Variants in BPNT1 observed in about 807,000 individuals in gnomAD.
The protein encoded by BPNT1 is 3'(2'), 5'-bisphosphate nucleotidase 1.
BPNT1 carries 28 observed loss-of-function variants against 36.9 expected under a neutral mutation model. That is an observed-to-expected ratio of 0.76 (90% CI 0.56 to 1.04). BPNT1 has a LOEUF of 1.04. BPNT1 is among the 50% of genes least tolerant of loss of function. The probability of loss-of-function intolerance (pLI) is 0.00; values close to 1 mark genes in which losing one functional copy is unlikely to be tolerated. For missense variants in BPNT1, 313 were observed against 372.9 expected, an observed-to-expected ratio of 0.84 and a Z score of 1.32; for synonymous variants, 119 against 130.9, an observed-to-expected ratio of 0.91 and a Z score of 0.62.
At chr1:220,078,187 TAA>T (rs756467379) in intron 2 of BPNT1, among the ~76,000 whole-genome samples, 20 of 116,784 alleles carry the variant, frequency 1.7e-4, no homozygotes, top group Non-Finnish European at 2.0e-4. Context: ...CTTGTCTCTT[TAA>T]AAAAAAAAAA....
At chr1:220,080,685 G>A (rs1479404033) in intron 1 of BPNT1, among the ~76,000 whole-genome samples, 2 of 152,188 alleles carry the variant, frequency 1.3e-5, no homozygotes, top group Non-Finnish European at 2.9e-5. Flanking sequence ...TCTCTCCCTT[G>A]ACACATGGGG....
At chr1:220,070,109 T>G (rs927833796) in intron 4 of BPNT1, among the ~76,000 whole-genome samples, 1 of 152,200 alleles carries the variant, frequency 6.6e-6, no homozygotes, top group African/African-American at 2.4e-5. Flanking sequence ...CTACTCATTT[T>G]TATATATAAG....
intron 3 of BPNT1, among the ~76,000 whole-genome samples, chr1:220,073,751 T>C (rs1279089074): frequency 6.6e-6 from 1 of 152,214 alleles, no homozygotes; most frequent in Non-Finnish European, 1.5e-5. Flanking sequence ...ATATCTTCTA[T>C]GGTCAATAAT....
Position 220,069,424 on chromosome 1 carries a change from G to A in BPNT1, c.342C>T (p.Val114=). ...TGGTTCCATCCAGAGGATCAACCCA[G>A]ACCACGAGCTAAAATTAAAAAGAGA... ...YSAIKEEDLV[V]WVDPLDGTKE... is the part of the protein sequence containing the mutation. The change falls in exon 5 of 9, where the codon GTC becomes GTT. Residue 114 remains valine (V), a synonymous_variant. Transcript: ENST00000322067. The A allele has an allele frequency of 6.2e-7, 1 of 1,601,514 alleles. No homozygotes were observed. The highest frequency in any genetic ancestry group is 8.5e-7 in the Non-Finnish European group (1 of 1,175,172).
intron 7 of BPNT1, among the ~76,000 whole-genome samples, chr1:220,060,997 G>A (rs551163622): frequency 6.6e-6 from 1 of 152,192 alleles, no homozygotes; most frequent in Non-Finnish European, 1.5e-5. Context: ...TTAAGATAAA[G>A]ATTGTTGAGA....
chr1:220,059,343 G>C (rs1662807661), intron 8 of BPNT1, among the ~76,000 whole-genome samples: 1 of 141,544 alleles, frequency 7.1e-6, no homozygotes, highest in Non-Finnish European at 1.5e-5. Context: ...TACAAGCCCA[G>C]GAGTTCAAGG....
In BPNT1 at chr1:220,058,534, G is replaced by GC; in HGVS notation, c.*309_*310insG. ...AACTTTAAGTACTTTTTGGGTTTTT[G>GC]TTTTTTTTTTTTCTGAGACAGGGCT... On this transcript the variant is annotated 3_prime_UTR_variant, in exon 9 of 9. Coordinates refer to ENST00000322067, the MANE Select transcript of BPNT1 (RefSeq NM_006085.6). The GC allele has an allele frequency of 1.2e-6, 1 of 851,264 alleles. No homozygotes were observed. The highest frequency in any genetic ancestry group is 1.4e-6 in the Non-Finnish European group (1 of 705,516). The allele number at this position is 851,264 out of a possible 1,614,324, so 52.7% of individuals were successfully genotyped here. A position where few individuals can be genotyped will look rare whatever the true frequency, so the allele number is the denominator to read the frequency against.
intron 6 of BPNT1, among the ~76,000 whole-genome samples, chr1:220,065,676 G>A (rs559086205): frequency 1.3e-5 from 2 of 152,268 alleles, no homozygotes; most frequent in African/African-American, 4.8e-5. Context: ...GGGGATAATA[G>A]TTTATTTAAA....
chr1:220,068,265 C>T (rs1663723430), intron 5 of BPNT1, among the ~76,000 whole-genome samples: 1 of 151,922 alleles, frequency 6.6e-6, no homozygotes, highest in Admixed American at 6.6e-5. Context: ...CTCACTGCAA[C>T]CTCTGTCTTC....
chr1:220,068,742 A>T (rs1375335827), intron 5 of BPNT1, among the ~76,000 whole-genome samples: 1 of 152,084 alleles, frequency 6.6e-6, no homozygotes, highest in Non-Finnish European at 1.5e-5. Context: ...CCTGGGAGGC[A>T]GAGGTTGCAG....
At position 220,072,870 on chromosome 1, in the gene BPNT1, T is replaced by C; in HGVS notation, c.313A>G (p.Ser105Gly). 2 of 1,613,996 alleles carry C rather than the reference T, an allele frequency of 1.2e-6. No individual in the cohort carries two copies. The highest frequency in any genetic ancestry group is 2.2e-5 in the East Asian group (1 of 44,870). The change falls in exon 4 of 9, where the codon AGT becomes GGT. Residue 105 changes from serine to glycine, a missense_variant. Transcript: ENST00000322067. Reference sequence around the variant, plus strand: ...CATACATCTTCTTCTTTAATAGCACTGTACTGCGATGGGCATGGTTGCTTC... The same window carrying C: ...CATACATCTTCTTCTTTAATAGCACCGTACTGCGATGGGCATGGTTGCTTC... ...ILKQPCPSQY[S>G]AIKEEDLVVW...
At chr1:220,082,829 C>G (rs1655319842) in intron 1 of BPNT1, among the ~76,000 whole-genome samples, 1 of 152,216 alleles carries the variant, frequency 6.6e-6, no homozygotes, top group African/African-American at 2.4e-5. Context: ...TCAGAAGATC[C>G]ACCTGCCCAG....
intron 6 of BPNT1, among the ~76,000 whole-genome samples, chr1:220,064,155 T>C (rs992608948): frequency 6.6e-6 from 1 of 152,194 alleles, no homozygotes; most frequent in African/African-American, 2.4e-5. Flanking sequence ...GTGGAACCAT[T>C]AAGTAACCTG....
At chr1:220,082,577 T>C (rs1301855551) in intron 1 of BPNT1, among the ~76,000 whole-genome samples, 1 of 151,732 alleles carries the variant, frequency 6.6e-6, no homozygotes, top group Non-Finnish European at 1.5e-5. Context: ...TTTTAACCCC[T>C]TTAACATCTT....
At chr1:220,087,509 C>G (rs939328809) in intron 1 of BPNT1, among the ~76,000 whole-genome samples, 2 of 151,796 alleles carry the variant, frequency 1.3e-5, no homozygotes, top group Non-Finnish European at 2.9e-5. Context: ...GAGCTGAGAT[C>G]ATTTGCACCA....
intron 3 of BPNT1, 22 bp from the exon 4 acceptor site, chr1:220,072,979 T>A (rs1342274132): frequency 6.3e-7 from 1 of 1,578,876 alleles, no homozygotes; most frequent in African/African-American, 1.3e-5. Context: ...ATAACCCTAA[T>A]GGTTACTGAA....
intron 1 of BPNT1, among the ~76,000 whole-genome samples, chr1:220,083,332 T>C (rs936455476): frequency 5.4e-5 from 8 of 148,888 alleles, no homozygotes; most frequent in African/African-American, 2.0e-4. Flanking sequence ...GGGTTTCTCT[T>C]TTTTTTTTTT....
At chr1:220,066,039 C>T (rs1411297220) in intron 6 of BPNT1, 3 of 1,494,542 alleles carry the variant, frequency 2.0e-6, no homozygotes, top group Middle Eastern at 1.7e-4. Flanking sequence ...TTTCTACCTA[C>T]TAGTGGAGCC....
In BPNT1 at chr1:220,072,508, T is replaced by A. The variant is rs1664158263; in HGVS notation, c.333+342A>T. 2.0e-5 allele frequency among the ~76,000 whole-genome samples: 3 copies of A among 151,940 alleles called. No homozygotes were observed. The South Asian group carries it at 6.2e-4, about 32-fold the overall frequency. The stretch of plus-strand genomic sequence containing the variant: ...TTTTGTATTTTTTGTTGAGACAGAG[T>A]TTCACCATGTTGCCGAGTCTGGTCT... On this transcript the variant is annotated intron_variant, in intron 4 of 8. Transcript: ENST00000322067.
Sources: allele counts gnomAD v4.1 joint callset (sites outside exome capture counted in the v4.1 genomes callset), GRCh38; gene constraint gnomAD v4.1.1; transcripts MANE v1.5; gene names NCBI Gene and HGNC (gene_info 2026-07-23, HGNC 2026-07-21).